Variants in SHISAL1 observed in about 807,000 individuals in gnomAD.
SHISAL1 encodes shisa like 1.
In SHISAL1, 9 loss-of-function variants were observed where a neutral mutation model predicts 22.6. That is an observed-to-expected ratio of 0.40 (90% CI 0.24 to 0.70). The LOEUF is 0.70. Ranked by LOEUF, SHISAL1 falls within the 30% of genes least tolerant of loss-of-function variation. The probability of loss-of-function intolerance (pLI) is 0.39; values close to 1 mark genes in which losing one functional copy is unlikely to be tolerated. For synonymous variants in SHISAL1, 119 were observed against 115.4 expected (o/e 1.03, Z -0.20); for missense variants, 246 against 270.6 (o/e 0.91, Z 0.64).
intron 4 of SHISAL1, among the ~76,000 whole-genome samples, chr22:44,254,895 A>G (rs1601775143): frequency 6.6e-6 from 1 of 152,016 alleles, no homozygotes; most frequent in African/African-American, 2.4e-5. Flanking sequence ...TTTTCTTCCA[A>G]CTTCCCTGCA....
At chr22:44,289,089 G>A (rs1318291014) in intron 3 of SHISAL1, among the ~76,000 whole-genome samples, 1 of 152,226 alleles carries the variant, frequency 6.6e-6, no homozygotes, top group East Asian at 1.9e-4. Flanking sequence ...TTGTGCGCCA[G>A]CAGCTAATAA....
intron 4 of SHISAL1, among the ~76,000 whole-genome samples, chr22:44,260,611 C>G (rs570140860): frequency 6.6e-6 from 1 of 152,328 alleles, no homozygotes; most frequent in East Asian, 1.9e-4. Flanking sequence ...CCTTTACAAG[C>G]CATTCCCTTT....
chr22:44,279,515 T>TG, intron 4 of SHISAL1, among the ~76,000 whole-genome samples: 1 of 152,166 alleles, frequency 6.6e-6, no homozygotes, highest in East Asian at 1.9e-4. Context: ...ACATGATGCT[T>TG]GGGTTTCAGC....
At chr22:44,304,279 G>A (rs1238886456) in intron 1 of SHISAL1, among the ~76,000 whole-genome samples, 1 of 22,654 alleles carries the variant, frequency 4.4e-5, no homozygotes, top group Non-Finnish European at 9.1e-5. Flanking sequence ...TGGAGACTTC[G>A]GAGCGAGATG....
Position 44,272,241 on chromosome 22 carries a change from T to C in SHISAL1, c.599+13187A>G, listed in dbSNP as rs201026404. 3.9e-5 allele frequency among the ~76,000 whole-genome samples: 6 copies of C among 152,336 alleles called. No homozygotes were observed. In the East Asian group the frequency reaches 1.2e-3, roughly 29 times the overall value. ...AATCTCCATCTGAACTCCAGATAGC[T>C]GTGCTAGGTCTAGTTCATTCCAGAA... On this transcript the variant is annotated intron_variant, in intron 4 of 4. Transcript: ENST00000381176.
chr22:44,289,391 C>T (rs952615627), intron 3 of SHISAL1, among the ~76,000 whole-genome samples: 1 of 152,180 alleles, frequency 6.6e-6, no homozygotes, highest in African/African-American at 2.4e-5. Context: ...TCCCGGCCCA[C>T]CCTCTACCAG....
intron 4 of SHISAL1, among the ~76,000 whole-genome samples, chr22:44,259,896 C>T (rs539958204): frequency 6.6e-6 from 1 of 152,330 alleles, no homozygotes; most frequent in South Asian, 2.1e-4. Context: ...CTCCTCTCCA[C>T]CAGGCGCTCC....
At chr22:44,320,786 C>T in the SHISAL1 span, among the ~76,000 whole-genome samples, 1 of 152,144 alleles carries the variant, frequency 6.6e-6, no homozygotes, top group Non-Finnish European at 1.5e-5. Context: ...TGCTCATGCC[C>T]AGGGAGGCCC....
At chr22:44,277,916 C>T (rs890028622) in intron 4 of SHISAL1, among the ~76,000 whole-genome samples, 5 of 152,172 alleles carry the variant, frequency 3.3e-5, no homozygotes, top group African/African-American at 7.2e-5. Flanking sequence ...CCCTGATGAC[C>T]GGCCAGGCTG....
chr22:44,295,795 G>A (rs973825424), intron 3 of SHISAL1, among the ~76,000 whole-genome samples: 6 of 152,138 alleles, frequency 3.9e-5, no homozygotes, highest in Admixed American at 6.5e-5. Context: ...GTGAAAAGAC[G>A]GCCAGCTTCA....
rs746959542 is a variant in SHISAL1, at chr22:44,296,894, CAG to C, written c.68-11_68-10del. ...GAAATGTGCAGACAAGACTGGAAGACAGAGTCACCAGGCTCAGAGGGGTCCCT... is the reference window on the plus strand; with the variant it reads ...GAAATGTGCAGACAAGACTGGAAGACAGTCACCAGGCTCAGAGGGGTCCCT... On this transcript the variant is annotated splice_polypyrimidine_tract_variant and intron_variant, in intron 2 of 4. Transcript: ENST00000381176. The C allele has an allele frequency of 5.1e-5, 82 of 1,607,796 alleles. 1 individual carries two copies. The South Asian group carries it at 6.9e-4, about 14-fold the overall frequency.
At chr22:44,272,422 T>C (rs2055211739) in intron 4 of SHISAL1, among the ~76,000 whole-genome samples, 1 of 152,218 alleles carries the variant, frequency 6.6e-6, no homozygotes, top group South Asian at 2.1e-4. Flanking sequence ...CCCGGCCTTT[T>C]TCATCTTTCT....
At chr22:44,288,496 C>A (rs74329052) in intron 3 of SHISAL1, among the ~76,000 whole-genome samples, 15,204 of 152,038 alleles carry the variant, frequency 0.1, 1,012 homozygotes, top group South Asian at 0.16. Context: ...AAAAAAGTTG[C>A]TGGGTGTGGT....
chr22:44,299,454 GGGATGGTGA>G (rs2055410669), intron 2 of SHISAL1, among the ~76,000 whole-genome samples: 1 of 152,218 alleles, frequency 6.6e-6, no homozygotes, highest in East Asian at 1.9e-4. Context: ...CCGTCCTCCA[GGGATGGTGA>G]GGACCAGGTG....
chr22:44,301,041 C>T, intron 1 of SHISAL1, 64 bp from the exon 2 acceptor site: 2 of 1,178,770 alleles, frequency 1.7e-6, no homozygotes, highest in African/African-American at 1.5e-5. Flanking sequence ...GCTTTCCTGC[C>T]CACAGCGGGG....
At chr22:44,280,014 G>A (rs1481314874) in intron 4 of SHISAL1, among the ~76,000 whole-genome samples, 7 of 152,114 alleles carry the variant, frequency 4.6e-5, no homozygotes, top group Non-Finnish European at 8.8e-5. Flanking sequence ...GACAGCCTGC[G>A]AGGGCTTGGG....
upstream of SHISAL1, among the ~76,000 whole-genome samples, chr22:44,316,395 T>G (rs2055558692): frequency 1.7e-5 from 2 of 115,196 alleles, no homozygotes; most frequent in Admixed American, 1.2e-4. Context: ...ACCTGTTGGA[T>G]CAGAACCAGG....
intron 4 of SHISAL1, among the ~76,000 whole-genome samples, chr22:44,258,140 CTAAA>C (rs1223740480): frequency 1.3e-5 from 2 of 152,074 alleles, no homozygotes; most frequent in East Asian, 1.9e-4. Context: ...AACTCCGTCT[CTAAA>C]TAAATACAAA....
intron 4 of SHISAL1, among the ~76,000 whole-genome samples, chr22:44,275,762 C>T (rs570461704): frequency 7.2e-5 from 11 of 152,288 alleles, no homozygotes; most frequent in East Asian, 1.9e-4. Context: ...AAATGAGGCT[C>T]GGGATGGCCA....
Sources: gnomAD v4.1 joint callset for allele counts (sites outside exome capture counted in the v4.1 genomes callset) on GRCh38, gnomAD v4.1.1 for gene constraint, MANE v1.5 for transcripts, NCBI Gene and HGNC (gene_info 2026-07-23, HGNC 2026-07-21) for gene names.